BIRC6: variants seen among roughly 807,000 people sequenced by gnomAD.
The protein encoded by BIRC6 is dual E2 ubiquitin-conjugating enzyme/E3 ubiquitin-protein ligase BIRC6.
In BIRC6, 98 loss-of-function variants were observed where a neutral mutation model predicts 503.3. That is an observed-to-expected ratio of 0.19 (90% confidence interval 0.17 to 0.23). The LOEUF (loss-of-function observed/expected upper bound fraction) is 0.23. Among genes scored for constraint, BIRC6 ranks in the 10% least tolerant of loss-of-function variants. The pLI is 1.00. For missense variants in BIRC6, 5,360 were observed against 5,806.0 expected, an observed-to-expected ratio of 0.92 and a Z score of 2.50; for synonymous variants, 2,240 against 2,078.7, an observed-to-expected ratio of 1.08 and a Z score of -2.11.
At chr2:32,446,522 TTG>T (rs1214358922) in intron 21 of BIRC6, among the ~76,000 whole-genome samples, 2 of 152,210 alleles carry the variant, frequency 1.3e-5, no homozygotes, top group African/African-American at 4.8e-5. Flanking sequence ...GCCTTTGTAC[TTG>T]AGGCTATGTC....
Position 32,357,398 on chromosome 2 carries a change from C to T in BIRC6, c.237C>T (p.Leu79=), listed in dbSNP as rs892786493. Residue 79 remains leucine, a synonymous_variant, in exon 1 of 74, where the codon CTC becomes CTT. Coordinates refer to ENST00000421745, the MANE Select transcript of BIRC6 (RefSeq NM_016252.4). The surrounding 1 kb of genome is among the most constrained non-coding windows in gnomAD (Gnocchi z 4.9). ...ACAGCCTGTCCTACCACCCTGCGCT[C>T]AACGCCATCCTGGCCGTCACTAGCC... ...GLHSLSYHPA[L]NAILAVTSRG... 1.3e-6 allele frequency: 2 copies of T among 1,549,306 alleles called. No individual in the cohort carries two copies. The highest frequency in any genetic ancestry group is 1.7e-6 in the Non-Finnish European group (2 of 1,146,658).
chr2:32,461,650 T>TG (rs1339717548), intron 23 of BIRC6, among the ~76,000 whole-genome samples: 5 of 152,012 alleles, frequency 3.3e-5, no homozygotes, highest in Admixed American at 6.6e-5. Flanking sequence ...TTTTTGTTAT[T>TG]GGTATATTGT....
In BIRC6 at chr2:32,482,539, G is replaced by A. The variant is rs775327678; in HGVS notation, c.7653G>A (p.Thr2551=). The change falls in exon 39 of 74, where the codon ACG becomes ACA. Residue 2551 remains threonine, a synonymous_variant. Coordinates refer to ENST00000421745, the MANE Select transcript of BIRC6 (RefSeq NM_016252.4). ...CTGTAGCAAAGCCACCAGCAAACAC[G>A]GAGAAGAACGGATCACAGACAGTTA... is the stretch of plus-strand genomic sequence containing the variant. ...GIPVAKPPAN[T]EKNGSQTVSV... 2.0e-5 allele frequency: 33 copies of A among 1,613,794 alleles called. No homozygotes were observed. Among genetic ancestry groups the A allele is most frequent in the Non-Finnish European group, 2.5e-5 (30 of 1,179,852 alleles).
At position 32,573,607 on chromosome 2, in the gene BIRC6, C is replaced by T. The variant is rs1573106217; in HGVS notation, c.13145-1549C>T. On this transcript the variant is annotated intron_variant, in intron 65 of 73. Transcript: ENST00000421745. Reference sequence around the variant, plus strand: ...TTCCAGTTGGTATACAACACAAAACCCAACAAAACAACTTATAAAAGCCTT... The same window carrying T: ...TTCCAGTTGGTATACAACACAAAACTCAACAAAACAACTTATAAAAGCCTT... Among the ~76,000 whole-genome samples, 3 of 152,110 alleles carry T rather than the reference C, an allele frequency of 2.0e-5. No individual in the cohort carries two copies. The East Asian group carries it at 5.8e-4, about 29-fold the overall frequency.
intron 65 of BIRC6, among the ~76,000 whole-genome samples, chr2:32,550,904 T>A (rs141351300): frequency 6.6e-6 from 1 of 152,256 alleles, no homozygotes; most frequent in Non-Finnish European, 1.5e-5. Context: ...TTTAGAAATT[T>A]AATGTGACAG....
chr2:32,357,263 G>A lies in BIRC6; in HGVS notation c.102G>A (p.Ala34=), dbSNP rs1274939779. ...SAGRKMAAAA[A]AASGPGCSSA... ...GCCGGAAGATGGCGGCTGCGGCTGC[G>A]GCGGCCTCGGGCCCCGGCTGCTCCT... Residue 34 remains alanine (A), a synonymous_variant, in exon 1 of 74, where the codon GCG becomes GCA. Transcript: ENST00000421745. The surrounding 1 kb of genome is among the most constrained non-coding windows in gnomAD (Gnocchi z 4.9). The A allele has an allele frequency of 1.3e-6, 2 of 1,521,338 alleles. No homozygotes were observed. Among genetic ancestry groups the A allele is most frequent in the Admixed American group, 2.1e-5 (1 of 46,666 alleles). 94.2% of individuals were successfully genotyped at this position (1,521,338 alleles called of 1,614,324 possible).
intron 24 of BIRC6, 71 bp downstream of exon 24, chr2:32,463,452 G>A: frequency 7.1e-7 from 1 of 1,409,286 alleles, no homozygotes; most frequent in Non-Finnish European, 9.4e-7. Context: ...CTTTAAAAAT[G>A]ACCATTATTT....
intron 69 of BIRC6, among the ~76,000 whole-genome samples, chr2:32,598,471 A>G (rs559392140): frequency 3.3e-5 from 5 of 152,190 alleles, no homozygotes; most frequent in South Asian, 2.1e-4. Flanking sequence ...TAGGAAATTT[A>G]TGTTTTTTTT....
At chr2:32,363,877 A>G (rs1222670269) in intron 1 of BIRC6, among the ~76,000 whole-genome samples, 3 of 152,218 alleles carry the variant, frequency 2.0e-5, no homozygotes, top group African/African-American at 7.2e-5. Flanking sequence ...CTTGGTCAAT[A>G]TTGCCACACT....
chr2:32,487,098 T>C (rs2051085776), intron 40 of BIRC6, among the ~76,000 whole-genome samples: 1 of 152,162 alleles, frequency 6.6e-6, no homozygotes, highest in Non-Finnish European at 1.5e-5. Flanking sequence ...CTGTCTCTCT[T>C]TTTAGTATAA....
At position 32,547,885 on chromosome 2, in the gene BIRC6, A is replaced by G; in HGVS notation, c.12846A>G (p.Thr4282=). The G allele has an allele frequency of 6.2e-7, 1 of 1,609,272 alleles. No homozygotes were observed. Among genetic ancestry groups the G allele is most frequent in the East Asian group, 2.2e-5 (1 of 44,788 alleles). ...QVSSSHNPTS[T]EEQQLYWAKG... ...CAAGCTCTCATAACCCTACATCAAC[A>G]GAAGAACAACAGTTATATTGGGCCA... Residue 4282 remains threonine (T), a synonymous_variant, in exon 64 of 74, where the codon ACA becomes ACG. Coordinates refer to ENST00000421745, the MANE Select transcript of BIRC6 (RefSeq NM_016252.4).
chr2:32,540,053 C>A (rs2057538578), intron 61 of BIRC6, among the ~76,000 whole-genome samples: 1 of 151,950 alleles, frequency 6.6e-6, no homozygotes, highest in African/African-American at 2.4e-5. Context: ...TGGATAAATT[C>A]CTTGAAAAAC....
intron 2 of BIRC6, among the ~76,000 whole-genome samples, chr2:32,379,891 G>A (rs1256992222): frequency 6.6e-6 from 1 of 151,842 alleles, no homozygotes; most frequent in East Asian, 1.9e-4. Context: ...TTTCTATCTT[G>A]ATTTGGTTTA....
intron 64 of BIRC6, 46 bp from the exon 65 acceptor site, chr2:32,549,267 T>C (rs766636842): frequency 7.5e-7 from 1 of 1,337,780 alleles, no homozygotes; most frequent in South Asian, 2.3e-5. Flanking sequence ...TAAAAACTTT[T>C]GAAGTATGTG....
rs145153983 is a variant in BIRC6 at position 32,540,843 on chromosome 2, A to G, written c.12292-2398A>G. Among the ~76,000 whole-genome samples, 1,209 of 149,526 alleles carry G rather than the reference A, an allele frequency of 8.1e-3. 15 individuals carry two copies. The highest frequency in any genetic ancestry group is 9.1e-3 in the Non-Finnish European group (598 of 65,974). On this transcript the variant is annotated intron_variant, in intron 61 of 73. Transcript: ENST00000421745. ...AGTCTTAATGTTGACTAGCATTTTT[A>G]TTTCCAGTTGTTAGCTATAATGAAA...
At chr2:32,603,320 C>CA (rs1327529506) in intron 71 of BIRC6, among the ~76,000 whole-genome samples, 2 of 152,024 alleles carry the variant, frequency 1.3e-5, no homozygotes, top group East Asian at 1.9e-4. Flanking sequence ...AAACTCCCAT[C>CA]AAAAAAAATT....
At position 32,525,571 on chromosome 2, in the gene BIRC6, G is replaced by A; in HGVS notation, c.11863G>A (p.Ala3955Thr). The change falls in exon 59 of 74, where the codon GCT becomes ACT. Residue 3955 changes from alanine to threonine, a missense_variant. This residue lies in a region of BIRC6 where 878 missense variants were observed against 928.9 expected (regional missense o/e 0.95). Coordinates refer to ENST00000421745, the MANE Select transcript of BIRC6 (RefSeq NM_016252.4). ...DKIGSTSGAE[A>T]ANKIITVPVF... ...AATAGGAAGTACTTCAGGAGCAGAGGCTGCCAACAAAATAATTACTGTCCC... is the reference window on the plus strand; with the variant it reads ...AATAGGAAGTACTTCAGGAGCAGAGACTGCCAACAAAATAATTACTGTCCC... 1 of 1,613,936 alleles carries A rather than the reference G, an allele frequency of 6.2e-7. No homozygotes were observed. Among genetic ancestry groups the A allele is most frequent in the Non-Finnish European group, 8.5e-7 (1 of 1,179,864 alleles).
intron 44 of BIRC6, among the ~76,000 whole-genome samples, chr2:32,492,563 A>C (rs1039417874): frequency 6.6e-6 from 1 of 152,094 alleles, no homozygotes; most frequent in Non-Finnish European, 1.5e-5. Flanking sequence ...ATTGTTTTAC[A>C]TGTAAGAAAA....
At chr2:32,497,515 A>G (rs1472389231) in intron 45 of BIRC6, among the ~76,000 whole-genome samples, 2 of 152,230 alleles carry the variant, frequency 1.3e-5, no homozygotes, top group African/African-American at 2.4e-5. Context: ...CTTTGCCCCA[A>G]AAATTTTCAA....
Sources: gnomAD v4.1 joint callset for allele counts (sites outside exome capture counted in the v4.1 genomes callset) on GRCh38, gnomAD v4.1.1 for gene constraint, gnomAD v4.1.1 regional missense constraint, Gnocchi (gnomAD v3.1) non-coding constraint, MANE v1.5 for transcripts, NCBI Gene and HGNC (gene_info 2026-07-23, HGNC 2026-07-21) for gene names.